The following CAMK2G variants were observed in gnomAD, a reference collection of about 807,000 sequenced individuals.
CAMK2G encodes calcium/calmodulin-dependent protein kinase type II subunit gamma.
Under a neutral mutation model 88.7 loss-of-function variants are expected in CAMK2G, and 23 were observed. The observed-to-expected ratio is 0.26, with a 90% CI of 0.19 to 0.37. The LOEUF (loss-of-function observed/expected upper bound fraction) is 0.37. CAMK2G is among the 10% of genes least tolerant of loss of function. The pLI is 1.00. For synonymous variants in CAMK2G, 263 were observed against 294.8 expected (o/e 0.89, Z 1.11); for missense variants, 476 against 780.8 (o/e 0.61, Z 4.65).
Position 73,826,637 on chromosome 10 carries a change from C to A in CAMK2G, c.1087-1290G>T, listed in dbSNP as rs145224985. On this transcript the variant is annotated intron_variant, in intron 15 of 22. Coordinates refer to ENST00000423381, the MANE Select transcript of CAMK2G (RefSeq NM_001367534.1). ...AGTGGGGTTGGGGGCCACTGAGGAG[C>A]AGCCTGATGCCTGCAAGTTCTTCAA... 4.1e-3 allele frequency among the ~76,000 whole-genome samples: 623 copies of A among 152,314 alleles called. 2 individuals are homozygous for A. Among genetic ancestry groups the A allele is most frequent in the Admixed American group, 6.9e-3 (105 of 15,296 alleles).
intron 16 of CAMK2G, 129 bp from the exon 17 acceptor site, chr10:73,824,213 T>C: frequency 3.0e-6 from 2 of 670,326 alleles, no homozygotes; most frequent in Non-Finnish European, 5.4e-6. Flanking sequence ...CCACCAGCCA[T>C]CTCCAGAAGA....
At chr10:73,821,388 G>A (rs889735664) in intron 18 of CAMK2G, among the ~76,000 whole-genome samples, 6 of 152,130 alleles carry the variant, frequency 3.9e-5, no homozygotes, top group African/African-American at 1.4e-4. Context: ...TTCTTGGATG[G>A]CACATCATTA....
intron 21 of CAMK2G, chr10:73,815,879 T>G: frequency 1.0e-6 from 1 of 985,398 alleles, no homozygotes; most frequent in Non-Finnish European, 1.2e-6. Context: ...CTGTGAAAAC[T>G]GTGTTGCTTT....
intron 14 of CAMK2G, among the ~76,000 whole-genome samples, chr10:73,833,671 C>T (rs1312040599): frequency 1.3e-5 from 2 of 150,990 alleles, no homozygotes; most frequent in Non-Finnish European, 2.9e-5. Flanking sequence ...TCCCAGCTCA[C>T]GGCAACCTCT....
chr10:73,860,088 G>A (rs1385358788), intron 3 of CAMK2G, among the ~76,000 whole-genome samples: 1 of 152,206 alleles, frequency 6.6e-6, no homozygotes, highest in Non-Finnish European at 1.5e-5. Context: ...CTCAGACACT[G>A]CAGCCAGCCC....
intron 10 of CAMK2G, among the ~76,000 whole-genome samples, chr10:73,845,315 G>A (rs1293905596): frequency 6.6e-6 from 1 of 152,154 alleles, no homozygotes; most frequent in African/African-American, 2.4e-5. Flanking sequence ...GGGCGCAGTG[G>A]CTCATGCCTG....
rs1270261119 is a variant in CAMK2G at position 73,824,058 on chromosome 10, G to A, written c.1182C>T (p.Asn394=). 17 of 1,613,294 alleles carry A rather than the reference G, an allele frequency of 1.1e-5. No individual in the cohort carries two copies. The highest frequency in any genetic ancestry group is 2.2e-5 in the East Asian group (1 of 44,892). ...CACTCACCTTGATCCCATCTGTAGC[G>A]TTGTGTACCACAGTGGTTTGTGGCT... ...AMEPQTTVVH[N]ATDGIKGSTE... is the part of the protein sequence containing the mutation. Residue 394 remains asparagine, a synonymous_variant, in exon 17 of 23, where the codon AAC becomes AAT. Transcript: ENST00000423381.
intron 22 of CAMK2G, 161 bp downstream of exon 22, chr10:73,814,842 T>A: frequency 3.3e-6 from 2 of 603,138 alleles, no homozygotes; most frequent in Non-Finnish European, 5.9e-6. Flanking sequence ...GTCTGTCTGA[T>A]TTCCAAGCAT....
At chr10:73,825,136 A>G in intron 16 of CAMK2G, 143 bp downstream of exon 16, 1 of 693,288 alleles carries the variant, frequency 1.4e-6, no homozygotes, top group Non-Finnish European at 2.6e-6. Context: ...AGGGGCATAC[A>G]GGGCGGCACA....
intron 12 of CAMK2G, among the ~76,000 whole-genome samples, chr10:73,841,392 G>A (rs1008968773): frequency 7.2e-5 from 11 of 152,108 alleles, no homozygotes; most frequent in African/African-American, 2.2e-4. Context: ...AAGCTGGGCA[G>A]AGCCCTCTCT....
intron 3 of CAMK2G, among the ~76,000 whole-genome samples, chr10:73,860,503 T>C (rs2095326284): frequency 6.6e-6 from 1 of 152,152 alleles, no homozygotes; most frequent in Admixed American, 6.5e-5. Context: ...TGAGGGACGC[T>C]GGCAGGCTAG....
At position 73,839,466 on chromosome 10, in the gene CAMK2G, C is replaced by T; in HGVS notation, c.1009+73G>A. ...GGACTCGCCTCCCTGGTGAGTGGGC[C>T]CGGCATGCTGGCCCTCCTGGTGGGG... On this transcript the variant is annotated intron_variant, in intron 13 of 22. Coordinates refer to ENST00000423381, the MANE Select transcript of CAMK2G (RefSeq NM_001367534.1). The surrounding 1 kb of genome is among the most constrained non-coding windows in gnomAD (Gnocchi z 4.2). 1.2e-6 allele frequency: 1 copy of T among 869,510 alleles called. No homozygotes were observed. Among genetic ancestry groups the T allele is most frequent in the Non-Finnish European group, 1.5e-6 (1 of 656,266 alleles). 53.9% of individuals were successfully genotyped at this position (869,510 alleles called of 1,614,324 possible).
intron 15 of CAMK2G, 26 bp from the exon 16 acceptor site, chr10:73,825,373 G>C (rs986405776): frequency 1.3e-6 from 2 of 1,596,568 alleles, no homozygotes; most frequent in East Asian, 2.2e-5. Flanking sequence ...AGATGGTTTA[G>C]TTCCTCCAGA....
chr10:73,852,606 C>A, intron 4 of CAMK2G: 1 of 425,938 alleles, frequency 2.3e-6, no homozygotes, highest in South Asian at 3.3e-5. Context: ...AGAAAACAGT[C>A]AACCTACCCC....
At chr10:73,866,446 T>C (rs1478588816) in intron 2 of CAMK2G, among the ~76,000 whole-genome samples, 2 of 151,934 alleles carry the variant, frequency 1.3e-5, no homozygotes, top group African/African-American at 4.8e-5. Context: ...TGGGCCTGCT[T>C]GACTTAGTGA....
intron 3 of CAMK2G, among the ~76,000 whole-genome samples, chr10:73,859,100 C>A (rs111386196): frequency 6.6e-6 from 1 of 152,258 alleles, no homozygotes; most frequent in Admixed American, 6.5e-5. Flanking sequence ...AGACCCGGGT[C>A]TGGAACATCA....
intron 3 of CAMK2G, among the ~76,000 whole-genome samples, chr10:73,858,367 G>C (rs1041523188): frequency 1.3e-5 from 2 of 152,220 alleles, no homozygotes; most frequent in Admixed American, 1.3e-4. Flanking sequence ...GCAGTGGAGA[G>C]AGAAGAGGAA....
At chr10:73,838,106 A>T (rs1485229786) in intron 13 of CAMK2G, among the ~76,000 whole-genome samples, 1 of 152,010 alleles carries the variant, frequency 6.6e-6, no homozygotes, top group East Asian at 1.9e-4. Context: ...CCCAGTGTCC[A>T]CTCTCTGGAC....
chr10:73,827,835 C>T (rs1213906728), intron 15 of CAMK2G, among the ~76,000 whole-genome samples: 1 of 152,212 alleles, frequency 6.6e-6, no homozygotes, highest in Non-Finnish European at 1.5e-5. Flanking sequence ...TCACATCCTA[C>T]CCTGGGTCGC....
Sources: gnomAD v4.1 joint callset for allele counts (sites outside exome capture counted in the v4.1 genomes callset) on GRCh38, gnomAD v4.1.1 for gene constraint, Gnocchi (gnomAD v3.1) non-coding constraint, MANE v1.5 for transcripts, NCBI Gene and HGNC (gene_info 2026-07-23, HGNC 2026-07-21) for gene names.